Variants in TUBB4A observed in about 807,000 individuals in gnomAD.
TUBB4A encodes the protein tubulin beta-4A chain.
A neutral mutation model predicts 35.1 loss-of-function variants in TUBB4A; 13 were observed. The observed-to-expected ratio is 0.37, with a 90% CI of 0.24 to 0.59. The LOEUF (loss-of-function observed/expected upper bound fraction) is 0.59. Ranked by LOEUF, TUBB4A falls within the 20% of genes least tolerant of loss-of-function variation. The pLI is 0.71. For missense variants in TUBB4A, 299 were observed against 647.2 expected (o/e 0.46, Z 5.84); for synonymous variants, 279 against 272.4 (o/e 1.02, Z -0.24).
chr19:6,496,609 C>G (rs1914206475), intron 3 of TUBB4A: 1 of 154,992 alleles, frequency 6.5e-6, no homozygotes, highest in Non-Finnish European at 1.4e-5. Context: ...GCAGCCTGGG[C>G]AACAGAGCGA....
intron 3 of TUBB4A, among the ~76,000 whole-genome samples, chr19:6,497,052 TATATATATATATAA>T (rs1914275777): frequency 1.5e-5 from 1 of 68,450 alleles, no homozygotes; most frequent in Non-Finnish European, 2.7e-5. Context: ...TATATATATA[TATATATATATATAA>T]ATTAGCCAGT....
rs1045362018 is a variant in TUBB4A, at chr19:6,501,450, C to T, written c.167-53G>A. On this transcript the variant is annotated intron_variant, in intron 2 of 3. Coordinates refer to ENST00000264071, the MANE Select transcript of TUBB4A (RefSeq NM_006087.4). The surrounding 1 kb of genome is among the most constrained non-coding windows in gnomAD (Gnocchi z 4.2). ...CGATGCGTGCCAGGAACCACAGGCGCCCGGTAGCATCCTGTTCCCTCCCAG... is the reference window on the plus strand; with the variant it reads ...CGATGCGTGCCAGGAACCACAGGCGTCCGGTAGCATCCTGTTCCCTCCCAG... The T allele has an allele frequency of 2.5e-6, 4 of 1,601,886 alleles. No homozygotes were observed. Among genetic ancestry groups the T allele is most frequent in the African/African-American group, 2.7e-5 (2 of 74,730 alleles).
Position 6,496,076 on chromosome 19 carries a change from A to AC in TUBB4A, c.422dup (p.Gly142TrpfsTer13), listed in dbSNP as rs1211616410. The AC allele has an allele frequency of 6.2e-7, 1 of 1,613,758 alleles. No individual in the cohort carries two copies. The highest frequency in any genetic ancestry group is 8.5e-7 in the Non-Finnish European group (1 of 1,179,988). ...GCGTGCCCATTCCGGACCCCGTGCCACCCCCCAGCGAGTGGGTCAGCTGGA... is the reference window on the plus strand; with the variant it reads ...GCGTGCCCATTCCGGACCCCGTGCCACCCCCCCAGCGAGTGGGTCAGCTGGA... On this transcript the variant is annotated frameshift_variant, in exon 4 of 4. Coordinates refer to ENST00000264071, the MANE Select transcript of TUBB4A (RefSeq NM_006087.4). LOFTEE classifies it high-confidence loss of function.
In TUBB4A at chr19:6,502,185, C is replaced by T. The variant is rs1914567200; in HGVS notation, c.28G>A (p.Gly10Ser). ...GCCCCGATCTGGTTGCCGCACTGGC[C>T]GGCCTGCAGGTGCACGATCTCCCGC... MREIVHLQAGQCGNQIGAKF... is the reference protein window; with the variant it reads MREIVHLQASQCGNQIGAKF... Residue 10 changes from glycine (G) to serine (S), a missense_variant, in exon 1 of 4, where the codon GGC becomes AGC. Around this residue, in one of 5 missense-constraint regions of TUBB4A, gnomAD observed 123 missense variants for 226.0 expected, o/e 0.54. Coordinates refer to ENST00000264071, the MANE Select transcript of TUBB4A (RefSeq NM_006087.4). 1.3e-6 allele frequency: 2 copies of T among 1,575,612 alleles called. No homozygotes were observed. Among genetic ancestry groups the T allele is most frequent in the East Asian group, 2.4e-5 (1 of 41,926 alleles).
intron 3 of TUBB4A, chr19:6,500,926 A>G (rs1487766628): frequency 4.7e-6 from 1 of 212,904 alleles, no homozygotes; most frequent in East Asian, 1.1e-4. Flanking sequence ...TTTGATTCTT[A>G]CCTGGATCTC....
In TUBB4A at chr19:6,501,590, C is replaced by T; in HGVS notation, c.91G>A (p.Asp31Asn). Reference protein sequence around the residue: ...WEVISDEHGIDPTGTYHGDSD... With the variant: ...WEVISDEHGINPTGTYHGDSD... ...TCCCCATGGTATGTGCCTGTGGGGTCGATGCCATGTTCGTCACTGATAACC... is the reference window on the plus strand; with the variant it reads ...TCCCCATGGTATGTGCCTGTGGGGTTGATGCCATGTTCGTCACTGATAACC... The change falls in exon 2 of 4, where the codon GAC becomes AAC. Residue 31 changes from aspartate (D) to asparagine (N), a missense_variant. By Grantham distance (23) the Asp-to-Asn change is conservative. Coordinates refer to ENST00000264071, the MANE Select transcript of TUBB4A (RefSeq NM_006087.4). This position sits in a 1 kb window ranked among gnomAD's most constrained non-coding sequence, Gnocchi z 4.2. The T allele has an allele frequency of 6.2e-7, 1 of 1,614,048 alleles. No homozygotes were observed. The highest frequency in any genetic ancestry group is 8.5e-7 in the Non-Finnish European group (1 of 1,179,960).
At position 6,501,027 on chromosome 19, in the gene TUBB4A, C is replaced by G; in HGVS notation, c.277+260G>C. The G allele has an allele frequency of 2.1e-6, 1 of 466,770 alleles. No homozygotes were observed. The allele number at this position is 466,770 out of a possible 1,614,324, so 28.9% of individuals were successfully genotyped here. ...GAATTGGGATGTGCACCCAGGCAGT[C>G]TGGTTCCGGTTCAGACCGTTGAATT... On this transcript the variant is annotated intron_variant, in intron 3 of 3. Transcript: ENST00000264071. The surrounding 1 kb of genome is among the most constrained non-coding windows in gnomAD (Gnocchi z 4.2).
In TUBB4A at chr19:6,495,586, G is replaced by A; in HGVS notation, c.913C>T (p.Pro305Ser). The change falls in exon 4 of 4, where the codon CCG becomes TCG. Residue 305 changes from proline to serine, a missense_variant. This residue lies in a region of TUBB4A where 125 missense variants were observed against 279.1 expected (regional missense o/e 0.45). Transcript: ENST00000264071. The surrounding 1 kb of genome is among the most constrained non-coding windows in gnomAD (Gnocchi z 8.7). Reference sequence around the variant, plus strand: ...ACGGTCAGGTAGCGGCCGTGGCGCGGGTCGCACGCCGCCATCATGTTCTTG... The same window carrying A: ...ACGGTCAGGTAGCGGCCGTGGCGCGAGTCGCACGCCGCCATCATGTTCTTG... ...DAKNMMAACD[P>S]RHGRYLTVAA... 1 of 1,613,984 alleles carries A rather than the reference G, an allele frequency of 6.2e-7. No individual in the cohort carries two copies. Among genetic ancestry groups the A allele is most frequent in the Non-Finnish European group, 8.5e-7 (1 of 1,179,920 alleles).
At chr19:6,497,242 T>C (rs1914292627) in intron 3 of TUBB4A, among the ~76,000 whole-genome samples, 1 of 149,964 alleles carries the variant, frequency 6.7e-6, no homozygotes, top group South Asian at 2.1e-4. Context: ...AATAAAAAGA[T>C]TAATATTTAA....
intron 3 of TUBB4A, among the ~76,000 whole-genome samples, chr19:6,499,197 G>A (rs578005984): frequency 6.6e-6 from 1 of 152,168 alleles, no homozygotes; most frequent in South Asian, 2.1e-4. Flanking sequence ...GTGTGGTGAT[G>A]CATGCCTGTA....
At chr19:6,498,573 T>C (rs1914381852) in intron 3 of TUBB4A, among the ~76,000 whole-genome samples, 1 of 152,242 alleles carries the variant, frequency 6.6e-6, no homozygotes, top group Admixed American at 6.5e-5. Flanking sequence ...CCGCAGCTGT[T>C]ACTCCAGCTT....
chr19:6,495,354 G>C lies in TUBB4A; in HGVS notation c.1145C>G (p.Ser382Cys). The change falls in exon 4 of 4, where the codon TCC becomes TGC. Residue 382 changes from serine to cysteine, a missense_variant. By Grantham distance (112) the Ser-to-Cys change is moderately radical. Transcript: ENST00000264071. The surrounding 1 kb of genome is among the most constrained non-coding windows in gnomAD (Gnocchi z 8.7). Reference protein sequence around the residue: ...TAIQELFKRISEQFTAMFRRK... With the variant: ...TAIQELFKRICEQFTAMFRRK... ...CCGGAACATGGCCGTGAACTGCTCG[G>C]AGATGCGCTTGAACAGCTCCTGGAT... 6.2e-7 allele frequency: 1 copy of C among 1,613,794 alleles called. No homozygotes were observed. Among genetic ancestry groups the C allele is most frequent in the Non-Finnish European group, 8.5e-7 (1 of 1,179,968 alleles).
At chr19:6,499,831 C>T (rs1410257305) in intron 3 of TUBB4A, among the ~76,000 whole-genome samples, 1 of 149,870 alleles carries the variant, frequency 6.7e-6, no homozygotes, top group Non-Finnish European at 1.5e-5. Flanking sequence ...AAGTTTCACT[C>T]TTGTTGCCCA....
chr19:6,494,842 A>T lies in TUBB4A; in HGVS notation c.*322T>A. 2 of 446,232 alleles carry T rather than the reference A, an allele frequency of 4.5e-6. No homozygotes were observed. Among genetic ancestry groups the T allele is most frequent in the Non-Finnish European group, 8.2e-6 (2 of 242,574 alleles). The allele number at this position is 446,232 out of a possible 1,614,324, so 27.6% of individuals were successfully genotyped here. On this transcript the variant is annotated 3_prime_UTR_variant, in exon 4 of 4. Coordinates refer to ENST00000264071, the MANE Select transcript of TUBB4A (RefSeq NM_006087.4). The stretch of plus-strand genomic sequence containing the variant: ...GGGATTCATGGGGGGCAGAGGTCAA[A>T]GGTGAAGCAGAAGTCAGGGGTGAAG...
chr19:6,496,019 T>G lies in TUBB4A; in HGVS notation c.480A>C (p.Pro160=), dbSNP rs779020457. 6.2e-7 allele frequency: 1 copy of G among 1,614,204 alleles called. No individual in the cohort carries two copies. Among genetic ancestry groups the G allele is most frequent in the Non-Finnish European group, 8.5e-7 (1 of 1,180,032 alleles). The change falls in exon 4 of 4, where the codon CCA becomes CCC. Residue 160 remains proline (P), a synonymous_variant. Transcript: ENST00000264071. The stretch of plus-strand genomic sequence containing the variant: ...CGCTGAAGGTGTTCATGATGCGGTC[T>G]GGGAACTCCTCGCGGATCTTACTGA... ...LLISKIREEF[P]DRIMNTFSVV...
In TUBB4A at chr19:6,501,689, C is replaced by T; in HGVS notation, c.58-66G>A. ...CCGGTGGCCAAGCCGAGGACTGCCC[C>T]CAGCCCCCAACTAGCTCCCTAGCTG... On this transcript the variant is annotated intron_variant, in intron 1 of 3. Transcript: ENST00000264071. This position sits in a 1 kb window ranked among gnomAD's most constrained non-coding sequence, Gnocchi z 4.2. The T allele has an allele frequency of 7.2e-7, 1 of 1,387,660 alleles. No homozygotes were observed. The highest frequency in any genetic ancestry group is 1.0e-6 in the Non-Finnish European group (1 of 990,656). 86.0% of individuals were successfully genotyped at this position (1,387,660 alleles called of 1,614,324 possible).
chr19:6,501,144 C>G lies in TUBB4A; in HGVS notation c.277+143G>C. On this transcript the variant is annotated intron_variant, in intron 3 of 3. Coordinates refer to ENST00000264071, the MANE Select transcript of TUBB4A (RefSeq NM_006087.4). This position sits in a 1 kb window ranked among gnomAD's most constrained non-coding sequence, Gnocchi z 4.2. Reference sequence around the variant, plus strand: ...CACAGTGGCCTGAGCATCCCCTCATCACAGCCCTGGATGCAGGGCTGGTGC... The same window carrying G: ...CACAGTGGCCTGAGCATCCCCTCATGACAGCCCTGGATGCAGGGCTGGTGC... 1.6e-6 allele frequency: 1 copy of G among 644,350 alleles called. No individual in the cohort carries two copies. The highest frequency in any genetic ancestry group is 1.9e-5 in the South Asian group (1 of 51,414). The allele number at this position is 644,350 out of a possible 1,614,324, so 39.9% of individuals were successfully genotyped here. A position where few individuals can be genotyped will look rare whatever the true frequency, so the allele number is the denominator to read the frequency against.
At position 6,495,644 on chromosome 19, in the gene TUBB4A, C is replaced by T. The variant is rs763754651; in HGVS notation, c.855G>A (p.Thr285=). The change falls in exon 4 of 4, where the codon ACG becomes ACA. Residue 285 remains threonine (T), a synonymous_variant. Transcript: ENST00000264071. The surrounding 1 kb of genome is among the most constrained non-coding windows in gnomAD (Gnocchi z 8.7). ...SRGSQQYRAL[T]VPELTQQMFD... ...ACATCTGCTGGGTGAGCTCGGGCAC[C>T]GTCAGGGCCCGGTACTGCTGGCTGC... 8 of 1,613,922 alleles carry T rather than the reference C, an allele frequency of 5.0e-6. No individual in the cohort carries two copies. Among genetic ancestry groups the T allele is most frequent in the Admixed American group, 1.7e-5 (1 of 59,992 alleles).
In TUBB4A at chr19:6,495,047, G is replaced by T. The variant is rs1394851309; in HGVS notation, c.*117C>A. The T allele has an allele frequency of 1.6e-6, 2 of 1,247,984 alleles. No homozygotes were observed. The highest frequency in any genetic ancestry group is 5.0e-5 in the East Asian group (2 of 40,074). 77.3% of individuals were successfully genotyped at this position (1,247,984 alleles called of 1,614,324 possible). ...AAGCGAGCTCCAAAGGTATTGTTAG[G>T]GTCAGCGGGGAGTCAGCCTTGGAGG... On this transcript the variant is annotated 3_prime_UTR_variant, in exon 4 of 4. Transcript: ENST00000264071. The surrounding 1 kb of genome is among the most constrained non-coding windows in gnomAD (Gnocchi z 8.7).
Sources: gnomAD v4.1 joint callset for allele counts (sites outside exome capture counted in the v4.1 genomes callset) on GRCh38, gnomAD v4.1.1 for gene constraint, gnomAD v4.1.1 regional missense constraint, Gnocchi (gnomAD v3.1) non-coding constraint, MANE v1.5 for transcripts, NCBI Gene and HGNC (gene_info 2026-07-23, HGNC 2026-07-21) for gene names.